Variants in PALM2AKAP2 observed in about 807,000 individuals in gnomAD.
PALM2AKAP2 encodes PALM2-AKAP2 fusion protein.
In PALM2AKAP2, 37 loss-of-function variants were observed where a neutral mutation model predicts 71.5. The ratio of observed to expected loss-of-function variants is 0.52; its 90% CI spans 0.40 to 0.68. The LOEUF (loss-of-function observed/expected upper bound fraction) is 0.68. Ranked by LOEUF, PALM2AKAP2 falls within the 30% of genes least tolerant of loss-of-function variation. The pLI is 0.00. For synonymous variants in PALM2AKAP2, 468 were observed against 478.8 expected (o/e 0.98, Z 0.29); for missense variants, 1,224 against 1,191.8 (o/e 1.03, Z -0.40).
rs375479830 is a variant in PALM2AKAP2, at chr9:109,747,281, C to A, written c.6-33207C>A. ...TGTCAGGCTAGCCCCCAGGCCACCACGCTGATTTTCAGTTAAAAAGTCACT... is the reference window on the plus strand; with the variant it reads ...TGTCAGGCTAGCCCCCAGGCCACCAAGCTGATTTTCAGTTAAAAAGTCACT... On this transcript the variant is annotated intron_variant, in intron 1 of 6. Transcript: ENST00000374531. Among the ~76,000 whole-genome samples, 110 of 152,238 alleles carry A rather than the reference C, an allele frequency of 7.2e-4. 3 individuals carry two copies. In the South Asian group the frequency reaches 0.023, roughly 32 times the overall value.
chr9:109,903,160 C>A (rs2131857598), intron 3 of PALM2AKAP2, among the ~76,000 whole-genome samples: 1 of 152,200 alleles, frequency 6.6e-6, no homozygotes, highest in East Asian at 1.9e-4. Flanking sequence ...GCATGGTGAG[C>A]CAGCCGCAGG....
intron 3 of PALM2AKAP2, among the ~76,000 whole-genome samples, chr9:109,917,525 G>A (rs1202338772): frequency 8.2e-6 from 1 of 122,620 alleles, no homozygotes; most frequent in Non-Finnish European, 1.6e-5. Flanking sequence ...GTCTCACTCT[G>A]TCACCCAGAC....
chr9:110,046,526 T>C (rs1833600039), upstream of PALM2AKAP2, among the ~76,000 whole-genome samples: 1 of 146,760 alleles, frequency 6.8e-6, no homozygotes, highest in African/African-American at 2.5e-5. Context: ...TGGAGTGCAA[T>C]GGCACGATCT....
rs542688060 is a variant in PALM2AKAP2 at position 109,722,402 on chromosome 9, G to A, written c.6-58086G>A. 2.0e-5 allele frequency among the ~76,000 whole-genome samples: 3 copies of A among 152,298 alleles called. No homozygotes were observed. In the South Asian group the frequency reaches 6.2e-4, roughly 32 times the overall value. On this transcript the variant is annotated intron_variant, in intron 1 of 6. Transcript: ENST00000374531. ...AGAGTTGGGTAACTGAGGAATAGGA[G>A]TGGGAGGGGAACTTTTCACTATAAT...
At chr9:109,913,755 CTTTTTT>C (rs35024326) in intron 3 of PALM2AKAP2, among the ~76,000 whole-genome samples, 2 of 102,960 alleles carry the variant, frequency 1.9e-5, no homozygotes. Context: ...ATGCTTATTT[CTTTTTT>C]TTTTTTTTTT....
intron 1 of PALM2AKAP2, among the ~76,000 whole-genome samples, chr9:109,685,005 A>G (rs1346408832): frequency 1.3e-5 from 2 of 152,226 alleles, no homozygotes; most frequent in Non-Finnish European, 2.9e-5. Context: ...CAAAACATGA[A>G]TGAATCTTAA....
intron 1 of PALM2AKAP2, among the ~76,000 whole-genome samples, chr9:109,674,738 G>T (rs1435147392): frequency 6.6e-6 from 1 of 151,934 alleles, no homozygotes; most frequent in Non-Finnish European, 1.5e-5. Flanking sequence ...GGCTTGGCTT[G>T]TTTATTTGTT....
intron 1 of PALM2AKAP2, among the ~76,000 whole-genome samples, chr9:109,757,111 A>G (rs73531207): frequency 0.076 from 11,587 of 152,004 alleles, 1,124 homozygotes; most frequent in African/African-American, 0.23. Flanking sequence ...CTTTATCCCC[A>G]CCTACCCTCA....
At chr9:110,153,610 G>T (rs1277322321) in intron 2 of PALM2AKAP2, among the ~76,000 whole-genome samples, 2 of 152,164 alleles carry the variant, frequency 1.3e-5, no homozygotes. Flanking sequence ...TTTCATAATG[G>T]ACTTACTGAT....
intron 1 of PALM2AKAP2, among the ~76,000 whole-genome samples, chr9:109,767,474 C>A (rs1205132057): frequency 6.6e-6 from 1 of 152,228 alleles, no homozygotes; most frequent in South Asian, 2.1e-4. Flanking sequence ...ATGAATCCTG[C>A]AGGATCTTGC....
intron 6 of PALM2AKAP2, among the ~76,000 whole-genome samples, chr9:109,986,246 T>TC (rs141693551): frequency 0.12 from 19,004 of 152,164 alleles, 1,514 homozygotes; most frequent in East Asian, 0.25. Flanking sequence ...ATGTAATTAA[T>TC]GTGTTTTTCT....
exon 1 of PALM2AKAP2, chr9:109,780,532 C>T (rs1288437495): frequency 5.0e-6 from 8 of 1,613,628 alleles, no homozygotes; most frequent in Non-Finnish European, 6.8e-6. Context: ...CAAGCCATAG[C>T]AGTAAGTCCA....
chr9:110,135,164 A>AAAAAAAAAAAAAT, intron 1 of PALM2AKAP2, among the ~76,000 whole-genome samples: 1 of 51,742 alleles, frequency 1.9e-5, no homozygotes, highest in African/African-American at 7.4e-5. Context: ...AAAAAAAAAA[A>AAAAAAAAAAAAAT]ATATATAAAT....
chr9:109,683,053 A>C (rs1407286431), intron 1 of PALM2AKAP2, among the ~76,000 whole-genome samples: 2 of 151,896 alleles, frequency 1.3e-5, no homozygotes, highest in African/African-American at 2.4e-5. Flanking sequence ...TTCTTTCGAG[A>C]TCTGGTTGTT....
chr9:109,748,558 T>C (rs1237724779), intron 1 of PALM2AKAP2, among the ~76,000 whole-genome samples: 2 of 152,228 alleles, frequency 1.3e-5, no homozygotes, highest in Non-Finnish European at 2.9e-5. Flanking sequence ...GTATTGGAAA[T>C]AGAATCATGA....
At chr9:109,779,659 C>T (rs905409773), upstream of PALM2AKAP2, among the ~76,000 whole-genome samples, 3 of 152,232 alleles carry the variant, frequency 2.0e-5, no homozygotes, top group Non-Finnish European at 2.9e-5. Context: ...CACATATCGC[C>T]TCACCAGAAG....
chr9:110,135,405 G>A (rs1238840781), intron 1 of PALM2AKAP2, among the ~76,000 whole-genome samples: 1 of 141,024 alleles, frequency 7.1e-6, no homozygotes, highest in Non-Finnish European at 1.5e-5. Context: ...TAAGAAGATA[G>A]GGTTTTCTTA....
At chr9:109,925,168 G>A in intron 5 of PALM2AKAP2, 86 bp downstream of exon 5, 1 of 1,589,058 alleles carries the variant, frequency 6.3e-7, no homozygotes. Flanking sequence ...TAAGGAAGAG[G>A]TACTGTGTTG....
chr9:110,049,335 G>T (rs1833663849), intron 1 of PALM2AKAP2, among the ~76,000 whole-genome samples: 1 of 152,112 alleles, frequency 6.6e-6, no homozygotes, highest in African/African-American at 2.4e-5. Context: ...GGGCATTTTC[G>T]CAAGTCCTGA....
Sources: gnomAD v4.1 joint callset for allele counts (sites outside exome capture counted in the v4.1 genomes callset) on GRCh38, gnomAD v4.1.1 for gene constraint, MANE v1.5 for transcripts, NCBI Gene and HGNC (gene_info 2026-07-23, HGNC 2026-07-21) for gene names.